Variants in SLC35F2 observed in about 807,000 individuals in gnomAD.
SLC35F2 encodes queuine/queuosine transporter SLC35F2.
In SLC35F2, 25 loss-of-function variants were observed where a neutral mutation model predicts 38.1. The observed-to-expected ratio is 0.66, with a 90% confidence interval of 0.48 to 0.92. SLC35F2 has a LOEUF of 0.92. Ranked by LOEUF, SLC35F2 falls within the 40% of genes least tolerant of loss-of-function variation. The pLI is 0.00. For synonymous variants in SLC35F2, 173 were observed against 181.7 expected (o/e 0.95, Z 0.38); for missense variants, 409 against 452.9 (o/e 0.90, Z 0.88).
chr11:107,816,015 T>TACACACACACAC lies in SLC35F2; in HGVS notation c.111-62_111-51dup, dbSNP rs370565333. On this transcript the variant is annotated intron_variant, in intron 1 of 7. Transcript: ENST00000525815. Reference sequence around the variant, plus strand: ...AACAGCATGCAAATAAGTTATACCTTACACACACACACACACACACACACA... The same window carrying TACACACACACAC: ...AACAGCATGCAAATAAGTTATACCTTACACACACACACACACACACACACACACACACACACA... 1,116 of 1,228,822 alleles carry TACACACACACAC rather than the reference T, an allele frequency of 9.1e-4. 12 individuals are homozygous for TACACACACACAC. The African/African-American group carries it at 0.016, about 17-fold the overall frequency. 76.1% of individuals were successfully genotyped at this position (1,228,822 alleles called of 1,614,324 possible).
intron 7 of SLC35F2, among the ~76,000 whole-genome samples, chr11:107,797,121 T>C (rs1259611456): frequency 6.6e-6 from 1 of 152,240 alleles, no homozygotes; most frequent in South Asian, 2.1e-4. Flanking sequence ...ACACAGTCTA[T>C]GCATGTAACA....
chr11:107,830,621 A>G (rs966213606), intron 1 of SLC35F2, among the ~76,000 whole-genome samples: 1 of 151,646 alleles, frequency 6.6e-6, no homozygotes, highest in Non-Finnish European at 1.5e-5. Context: ...AAAAGAGAAC[A>G]GCCTCTACTT....
At chr11:107,841,797 C>A (rs997835644) in intron 1 of SLC35F2, among the ~76,000 whole-genome samples, 3 of 152,012 alleles carry the variant, frequency 2.0e-5, no homozygotes, top group African/African-American at 7.2e-5. Flanking sequence ...CATGGCAAAA[C>A]CCTGTCTCTA....
chr11:107,792,514 T>C lies in SLC35F2; in HGVS notation c.*101A>G. On this transcript the variant is annotated 3_prime_UTR_variant, in exon 8 of 8. Transcript: ENST00000525815. ...AACCACTGGATCCAACCCAGGGTTGTAGAGTGTCCATTCTGAGTCTGCTAT... is the reference window on the plus strand; with the variant it reads ...AACCACTGGATCCAACCCAGGGTTGCAGAGTGTCCATTCTGAGTCTGCTAT... The C allele has an allele frequency of 7.3e-7, 1 of 1,368,754 alleles. No individual in the cohort carries two copies. The highest frequency in any genetic ancestry group is 9.8e-7 in the Non-Finnish European group (1 of 1,018,326). 84.8% of individuals were successfully genotyped at this position (1,368,754 alleles called of 1,614,324 possible). A position where few individuals can be genotyped will look rare whatever the true frequency, so the allele number is the denominator to read the frequency against.
At chr11:107,801,001 T>C (rs562534218) in intron 7 of SLC35F2, among the ~76,000 whole-genome samples, 6 of 149,390 alleles carry the variant, frequency 4.0e-5, no homozygotes, top group African/African-American at 1.2e-4. Flanking sequence ...GCCTCTCAGG[T>C]TCAAGCGATT....
intron 1 of SLC35F2, among the ~76,000 whole-genome samples, chr11:107,843,682 C>G (rs1036645730): frequency 6.6e-6 from 1 of 151,098 alleles, no homozygotes; most frequent in Non-Finnish European, 1.5e-5. Flanking sequence ...TAGCAAGACC[C>G]CATTTCTACA....
intron 3 of SLC35F2, among the ~76,000 whole-genome samples, chr11:107,808,246 C>T (rs1027290400): frequency 1.3e-5 from 2 of 152,166 alleles, no homozygotes; most frequent in African/African-American, 4.8e-5. Context: ...CCTGTTGATA[C>T]TGGGTCCAGA....
At chr11:107,821,430 G>C (rs1859670495) in intron 1 of SLC35F2, 2 of 985,412 alleles carry the variant, frequency 2.0e-6, no homozygotes, top group Non-Finnish European at 1.2e-6. Context: ...TATAATAGAG[G>C]AGTAGGAGAG....
At chr11:107,794,539 A>C (rs958705031) in intron 7 of SLC35F2, among the ~76,000 whole-genome samples, 13 of 152,210 alleles carry the variant, frequency 8.5e-5, no homozygotes, top group Non-Finnish European at 1.6e-4. Context: ...AAGCAAACTC[A>C]ACTTATGATT....
chr11:107,853,719 CAAAAAAAAAAA>C (rs67932834), intron 1 of SLC35F2, among the ~76,000 whole-genome samples: 14 of 68,162 alleles, frequency 2.1e-4, no homozygotes, highest in South Asian at 6.1e-4. Context: ...GACTCCGTCT[CAAAAAAAAAAA>C]AAAAAAAAAA....
rs534036185 is a variant in SLC35F2 at position 107,855,627 on chromosome 11, G to C, written c.110+3031C>G. On this transcript the variant is annotated intron_variant, in intron 1 of 7. Coordinates refer to ENST00000525815, the MANE Select transcript of SLC35F2 (RefSeq NM_017515.5). ...AGATCGCGCCATTGAACTCCAGCCT[G>C]GGCAACAACAGTGAAACTCTGTCTA... Among the ~76,000 whole-genome samples, 178 of 151,644 alleles carry C rather than the reference G, an allele frequency of 1.2e-3. No homozygotes were observed. The Middle Eastern group carries it at 0.014, about 12-fold the overall frequency.
intron 1 of SLC35F2, among the ~76,000 whole-genome samples, chr11:107,839,114 A>G (rs1022248662): frequency 6.6e-6 from 1 of 152,172 alleles, no homozygotes; most frequent in African/African-American, 2.4e-5. Flanking sequence ...AAAATATACC[A>G]TATGTAATAC....
At chr11:107,799,125 A>C (rs1160862024) in intron 7 of SLC35F2, among the ~76,000 whole-genome samples, 1 of 152,136 alleles carries the variant, frequency 6.6e-6, no homozygotes, top group Admixed American at 6.5e-5. Context: ...TTATGCTCTG[A>C]GTTTTTTCTA....
chr11:107,807,580 AT>A (rs71047628), intron 3 of SLC35F2, among the ~76,000 whole-genome samples: 2 of 147,202 alleles, frequency 1.4e-5, no homozygotes. Context: ...TATTATTATT[AT>A]TTTTTTTTTG....
chr11:107,833,391 T>A (rs1458445222), intron 1 of SLC35F2, among the ~76,000 whole-genome samples: 1 of 151,880 alleles, frequency 6.6e-6, no homozygotes, highest in Non-Finnish European at 1.5e-5. Context: ...TGGTCGCACA[T>A]GCCTGTAATC....
At position 107,818,821 on chromosome 11, in the gene SLC35F2, T is replaced by C. The variant is rs182038847; in HGVS notation, c.111-2856A>G. ...TTGATGTAATTTTCTAAGAGTTTTTTCTAGTTTTTAGCCAGGTGGTAGAAA... is the reference window on the plus strand; with the variant it reads ...TTGATGTAATTTTCTAAGAGTTTTTCCTAGTTTTTAGCCAGGTGGTAGAAA... On this transcript the variant is annotated intron_variant, in intron 1 of 7. Coordinates refer to ENST00000525815, the MANE Select transcript of SLC35F2 (RefSeq NM_017515.5). Among the ~76,000 whole-genome samples the C allele has an allele frequency of 4.2e-4, 64 of 152,332 alleles. 1 individual carries two copies. In the East Asian group the frequency reaches 0.01, roughly 24 times the overall value.
chr11:107,824,554 C>T (rs1014765331), intron 1 of SLC35F2, among the ~76,000 whole-genome samples: 2 of 152,156 alleles, frequency 1.3e-5, no homozygotes, highest in South Asian at 2.1e-4. Context: ...TGGATGTGAC[C>T]TTCAAGAAAA....
Position 107,791,337 on chromosome 11 carries a change from T to G in SLC35F2, c.*1278A>C, listed in dbSNP as rs997531532. The G allele has an allele frequency of 2.6e-5, 4 of 152,262 alleles. No individual in the cohort carries two copies. Among genetic ancestry groups the G allele is most frequent in the African/African-American group, 9.6e-5 (4 of 41,470 alleles). The allele number at this position is 152,262 out of a possible 1,614,324, so 9.4% of individuals were successfully genotyped here. On this transcript the variant is annotated 3_prime_UTR_variant, in exon 8 of 8. Transcript: ENST00000525815. ...CAAAGCTTTTTCTTTGTTGTGATAC[T>G]GTGCACTAAGACTTAGTTTCTTGAG...
intron 1 of SLC35F2, chr11:107,823,258 T>C (rs1483439591): frequency 1.0e-6 from 1 of 978,834 alleles, no homozygotes; most frequent in African/African-American, 1.8e-5. Context: ...TTCTTTTCTT[T>C]TTATTTGAAA....
Sources: gnomAD v4.1 joint callset for allele counts (sites outside exome capture counted in the v4.1 genomes callset) on GRCh38, gnomAD v4.1.1 for gene constraint, MANE v1.5 for transcripts, NCBI Gene and HGNC (gene_info 2026-07-23, HGNC 2026-07-21) for gene names.